TRIM5: variants seen among roughly 807,000 people sequenced by gnomAD.
TRIM5 encodes tripartite motif containing 5, also known as tripartite motif-containing protein 5.
Under a neutral mutation model 35.6 loss-of-function variants are expected in TRIM5, and 31 were observed. The observed-to-expected ratio is 0.87, with a 90% CI of 0.65 to 1.18. TRIM5 has a LOEUF of 1.18. TRIM5 is among the 50% of genes most tolerant of loss of function. The pLI is 0.00. For synonymous variants in TRIM5, 243 were observed against 215.6 expected, an observed-to-expected ratio of 1.13 and a Z score of -1.11; for missense variants, 609 against 591.6, an observed-to-expected ratio of 1.03 and a Z score of -0.31.
chr11:5,599,059 C>T, the TRIM5 span, among the ~76,000 whole-genome samples: 1 of 152,180 alleles, frequency 6.6e-6, no homozygotes, highest in Admixed American at 6.5e-5. Context: ...TAGCATCATA[C>T]AATAACTTAA....
At chr11:5,640,035 A>C in the TRIM5 span, among the ~76,000 whole-genome samples, 1 of 152,216 alleles carries the variant, frequency 6.6e-6, no homozygotes, top group African/African-American at 2.4e-5. Context: ...ATTATTGTTG[A>C]CTATAGTCAC....
chr11:5,672,750 T>C (rs934234480), intron 4 of TRIM5, among the ~76,000 whole-genome samples: 2 of 152,160 alleles, frequency 1.3e-5, no homozygotes, highest in African/African-American at 4.8e-5. Context: ...ATGACATATA[T>C]GCATGTGAGA....
the TRIM5 span, among the ~76,000 whole-genome samples, chr11:5,596,460 C>T: frequency 2.7e-3 from 405 of 150,478 alleles, 8 homozygotes; most frequent in East Asian, 0.037. Flanking sequence ...TCACTGCAAA[C>T]CATTTTGTCA....
intron 4 of TRIM5, 63 bp downstream of exon 4, chr11:5,678,141 A>C (rs58515362): frequency 0.014 from 19,538 of 1,414,030 alleles, 620 homozygotes; most frequent in African/African-American, 0.086. Flanking sequence ...ACAGCAACGC[A>C]GAGAAGGAAA....
At chr11:5,639,142 A>C in the TRIM5 span, among the ~76,000 whole-genome samples, 1 of 152,130 alleles carries the variant, frequency 6.6e-6, no homozygotes, top group Non-Finnish European at 1.5e-5. Context: ...AAACCCAGGC[A>C]GGGTCTTTAA....
At chr11:5,657,425 G>A in the TRIM5 span, among the ~76,000 whole-genome samples, 1 of 147,534 alleles carries the variant, frequency 6.8e-6, no homozygotes, top group Non-Finnish European at 1.5e-5. Flanking sequence ...AAACCTGCAC[G>A]TTCTGCACAT....
intron 1 of TRIM5, chr11:5,683,939 T>C (rs1852794703): frequency 1.3e-5 from 2 of 152,306 alleles, no homozygotes; most frequent in Admixed American, 1.3e-4. Flanking sequence ...ATCTTAATAC[T>C]GCTCACTCTT....
the TRIM5 span, among the ~76,000 whole-genome samples, chr11:5,620,418 G>C: frequency 2.0e-3 from 304 of 151,162 alleles, 2 homozygotes; most frequent in African/African-American, 6.9e-3. Flanking sequence ...GGCCAGACTG[G>C]ACTCTAACTC....
At chr11:5,643,386 G>A in the TRIM5 span, 1 of 1,614,054 alleles carries the variant, frequency 6.2e-7, no homozygotes, top group Non-Finnish European at 8.5e-7. Flanking sequence ...TAGAAGATGT[G>A]CAAATCGTCA....
At chr11:5,640,425 G>A in the TRIM5 span, among the ~76,000 whole-genome samples, 3 of 151,578 alleles carry the variant, frequency 2.0e-5, no homozygotes, top group African/African-American at 7.3e-5. Flanking sequence ...TATTAATATG[G>A]TATATTACAT....
chr11:5,608,285 A>G, the TRIM5 span: 3 of 1,576,184 alleles, frequency 1.9e-6, no homozygotes, highest in African/African-American at 2.7e-5. Context: ...TTTGTATCAT[A>G]TCATGGGGTA....
Position 5,665,195 on chromosome 11 carries a change from A to G in TRIM5, c.1096T>C (p.Ser366Pro). The G allele has an allele frequency of 6.2e-7, 1 of 1,614,118 alleles. No individual in the cohort carries two copies. The highest frequency in any genetic ancestry group is 8.5e-7 in the Non-Finnish European group (1 of 1,179,994). The change falls in exon 8 of 8, where the codon TCC (serine) becomes CCC (proline). Residue 366 changes from serine (S) to proline (P), a missense_variant. By Grantham distance (74) the Ser-to-Pro change is moderately conservative. Transcript: ENST00000380034. ...CCCAGGATCCAAGCAGTTTTCTTGGACACGTCTACCTCCCAGTAATGTTTC... is the reference window on the plus strand; with the variant it reads ...CCCAGGATCCAAGCAGTTTTCTTGGGCACGTCTACCTCCCAGTAATGTTTC... Reference protein sequence around the residue: ...SGKHYWEVDVSKKTAWILGVC... With the variant: ...SGKHYWEVDVPKKTAWILGVC...
chr11:5,605,258 G>A, the TRIM5 span: 1 of 1,599,992 alleles, frequency 6.3e-7, no homozygotes, highest in Non-Finnish European at 8.5e-7. Flanking sequence ...GCAGTCCTGA[G>A]CCCAACTTCC....
intron 4 of TRIM5, 109 bp from the exon 5 acceptor site, chr11:5,667,820 A>G: frequency 8.1e-7 from 1 of 1,230,624 alleles, no homozygotes; most frequent in Non-Finnish European, 1.1e-6. Flanking sequence ...GGAGATGGTG[A>G]CAGTGTGAAA....
chr11:5,641,354 G>C, the TRIM5 span: 3 of 1,462,862 alleles, frequency 2.1e-6, no homozygotes, highest in East Asian at 5.1e-5. Flanking sequence ...TGAGTGTTCC[G>C]TAACTATTAA....
At chr11:5,623,195 C>G in the TRIM5 span, among the ~76,000 whole-genome samples, 3 of 145,380 alleles carry the variant, frequency 2.1e-5, no homozygotes, top group Admixed American at 2.1e-4. Context: ...CTCAACCTGA[C>G]TTTTCCCTTT....
the TRIM5 span, chr11:5,612,138 C>T: frequency 3.3e-5 from 5 of 152,192 alleles, no homozygotes; most frequent in Non-Finnish European, 5.9e-5. Flanking sequence ...ATTTTGATAA[C>T]GTATTGTTTA....
At chr11:5,601,666 G>A in the TRIM5 span, among the ~76,000 whole-genome samples, 1,362 of 152,274 alleles carry the variant, frequency 8.9e-3, 15 homozygotes, top group African/African-American at 0.03. Flanking sequence ...GCTGAGGCAC[G>A]AGAATCGCTT....
At chr11:5,629,103 C>T in the TRIM5 span, among the ~76,000 whole-genome samples, 2 of 152,024 alleles carry the variant, frequency 1.3e-5, no homozygotes, top group Non-Finnish European at 2.9e-5. Context: ...ATGGTGAAAC[C>T]CCGTCTCTAC....
Sources: gnomAD v4.1 joint callset for allele counts (sites outside exome capture counted in the v4.1 genomes callset) on GRCh38, gnomAD v4.1.1 for gene constraint, MANE v1.5 for transcripts, NCBI Gene and HGNC (gene_info 2026-07-23, HGNC 2026-07-21) for gene names.